PLCXD3: variants seen among roughly 807,000 people sequenced by gnomAD.
The protein encoded by PLCXD3 is phosphatidylinositol specific phospholipase C X domain containing 3.
PLCXD3 carries 19 observed loss-of-function variants against 25.5 expected under a neutral mutation model. That is an observed-to-expected ratio of 0.75 (90% CI 0.52 to 1.09). The LOEUF (loss-of-function observed/expected upper bound fraction) is 1.09, where lower values mean the gene tolerates loss of function less well. Ranked by LOEUF, PLCXD3 falls within the 50% of genes least tolerant of loss-of-function variation. PLCXD3 has a pLI of 0.00. For synonymous variants in PLCXD3, 174 were observed against 137.6 expected (o/e 1.26, Z -1.85); for missense variants, 411 against 388.1 (o/e 1.06, Z -0.50).
At chr5:41,394,703 TAAAAG>T (rs1745943625) in intron 1 of PLCXD3, among the ~76,000 whole-genome samples, 1 of 151,980 alleles carries the variant, frequency 6.6e-6, no homozygotes, top group Non-Finnish European at 1.5e-5. Context: ...AGACAAAAAC[TAAAAG>T]AAGAGACAAA....
At chr5:41,457,711 C>A (rs1056034357) in intron 1 of PLCXD3, among the ~76,000 whole-genome samples, 1 of 151,868 alleles carries the variant, frequency 6.6e-6, no homozygotes, top group Non-Finnish European at 1.5e-5. Context: ...GAAACTTTCC[C>A]ATGGGACTAG....
chr5:41,455,219 C>T (rs1391050084), intron 1 of PLCXD3, among the ~76,000 whole-genome samples: 2 of 151,974 alleles, frequency 1.3e-5, no homozygotes, highest in Non-Finnish European at 1.5e-5. Context: ...TTCAGGCTTC[C>T]GGAAATATGA....
intron 2 of PLCXD3, among the ~76,000 whole-genome samples, chr5:41,331,296 C>T (rs1252384843): frequency 1.3e-5 from 2 of 151,872 alleles, no homozygotes; most frequent in East Asian, 3.9e-4. Context: ...TTCTTATACA[C>T]CAATAACAAA....
Position 41,428,374 on chromosome 5 carries a change from G to GTTTTTTTTTTTTT in PLCXD3, c.104-45841_104-45840insAAAAAAAAAAAAA, listed in dbSNP as rs373244601. Among the ~76,000 whole-genome samples, 5 of 91,600 alleles carry GTTTTTTTTTTTTT rather than the reference G, an allele frequency of 5.5e-5. 1 individual carries two copies. Among genetic ancestry groups the GTTTTTTTTTTTTT allele is most frequent in the Admixed American group, 1.1e-4 (1 of 8,938 alleles). 60.1% of individuals were successfully genotyped at this position (91,600 alleles called of 152,430 possible). A position where few individuals can be genotyped will look rare whatever the true frequency, so the allele number is the denominator to read the frequency against. Reference sequence around the variant, plus strand: ...TAAAGAGGTGATTAAGTTAAAATGAGTTTTTTTGTTTTTGTTTTTGTTTTT... The same window carrying GTTTTTTTTTTTTT: ...TAAAGAGGTGATTAAGTTAAAATGAGTTTTTTTTTTTTTTTTTTTTGTTTTTGTTTTTGTTTTT... On this transcript the variant is annotated intron_variant, in intron 1 of 2. Transcript: ENST00000377801.
intron 2 of PLCXD3, among the ~76,000 whole-genome samples, chr5:41,376,806 A>C (rs1745310816): frequency 6.6e-6 from 1 of 152,122 alleles, no homozygotes; most frequent in African/African-American, 2.4e-5. Context: ...AACAATGGCA[A>C]ATACCAATTT....
At chr5:41,367,959 G>T (rs1744984808) in intron 2 of PLCXD3, among the ~76,000 whole-genome samples, 1 of 152,090 alleles carries the variant, frequency 6.6e-6, no homozygotes, top group Middle Eastern at 3.2e-3. Context: ...TAGGTGTGCA[G>T]TCTTATTTCT....
In PLCXD3 at chr5:41,343,359, ATC is replaced by A. The variant is rs557177430; in HGVS notation, c.813-29591_813-29590del. On this transcript the variant is annotated intron_variant, in intron 2 of 2. Coordinates refer to ENST00000377801, the MANE Select transcript of PLCXD3 (RefSeq NM_001005473.3). ...GAAAACTAGTTGTTTTGCTTCAAAA[ATC>A]TCTTTTACATAAACAGAAAAAAAAT... Among the ~76,000 whole-genome samples the A allele has an allele frequency of 7.6e-4, 115 of 152,256 alleles. No individual in the cohort carries two copies. In the Middle Eastern group the frequency reaches 0.014, roughly 18 times the overall value.
rs959759473 is a variant in PLCXD3, at chr5:41,309,504, G to A, written c.*4113C>T. 30 of 152,374 alleles carry A rather than the reference G, an allele frequency of 2.0e-4. No individual in the cohort carries two copies. Among genetic ancestry groups the A allele is most frequent in the African/African-American group, 6.5e-4 (27 of 41,444 alleles). The allele number at this position is 152,374 out of a possible 1,614,324, so 9.4% of individuals were successfully genotyped here. ...AATTCAAAGTGAGCACTCTGCCTAC[G>A]GAACTCCTGTTTGGTTGAGTGACCA... On this transcript the variant is annotated 3_prime_UTR_variant, in exon 3 of 3. Coordinates refer to ENST00000377801, the MANE Select transcript of PLCXD3 (RefSeq NM_001005473.3).
intron 1 of PLCXD3, among the ~76,000 whole-genome samples, chr5:41,463,643 T>C (rs1340564190): frequency 6.6e-6 from 1 of 152,022 alleles, no homozygotes; most frequent in African/African-American, 2.4e-5. Context: ...CTTAGGGATC[T>C]TCCCAGACCT....
intron 2 of PLCXD3, among the ~76,000 whole-genome samples, chr5:41,377,078 A>G (rs1484316394): frequency 6.6e-6 from 1 of 152,110 alleles, no homozygotes; most frequent in Non-Finnish European, 1.5e-5. Context: ...AGGCATTTAA[A>G]TGTTTGCTTT....
chr5:41,320,428 C>G (rs1485062364), intron 2 of PLCXD3, among the ~76,000 whole-genome samples: 2 of 152,184 alleles, frequency 1.3e-5, no homozygotes, highest in Non-Finnish European at 2.9e-5. Context: ...TTCATCATGA[C>G]CAATTGGGAT....
At chr5:41,336,685 C>T (rs1223273437) in intron 2 of PLCXD3, among the ~76,000 whole-genome samples, 2 of 152,064 alleles carry the variant, frequency 1.3e-5, no homozygotes, top group Admixed American at 6.6e-5. Flanking sequence ...CCACCTCACT[C>T]AATGCCACAC....
chr5:41,340,937 G>A (rs1383498530), intron 2 of PLCXD3, among the ~76,000 whole-genome samples: 1 of 152,014 alleles, frequency 6.6e-6, no homozygotes, highest in Admixed American at 6.6e-5. Flanking sequence ...TACATTTTAG[G>A]AGATGAAAAA....
chr5:41,391,503 G>A (rs1239854648), intron 1 of PLCXD3, among the ~76,000 whole-genome samples: 4 of 152,218 alleles, frequency 2.6e-5, no homozygotes, highest in East Asian at 3.9e-4. Context: ...TAGTTCTGCC[G>A]GCATTCATCA....
At chr5:41,319,954 T>C (rs1743415061) in intron 2 of PLCXD3, among the ~76,000 whole-genome samples, 1 of 152,032 alleles carries the variant, frequency 6.6e-6, no homozygotes, top group Non-Finnish European at 1.5e-5. Context: ...AATTCAAAAG[T>C]TCATTAGTGG....
Position 41,408,553 on chromosome 5 carries a change from A to C in PLCXD3, c.104-26019T>G, listed in dbSNP as rs895149908. On this transcript the variant is annotated intron_variant, in intron 1 of 2. Transcript: ENST00000377801. ...TCCTGTCACATATAAAAAAATCTGA[A>C]CTAAACTTTTTTTTAAAACAAAAAG... is the stretch of plus-strand genomic sequence containing the variant. Among the ~76,000 whole-genome samples, 60 of 152,216 alleles carry C rather than the reference A, an allele frequency of 3.9e-4. 1 individual carries two copies. The highest frequency in any genetic ancestry group is 4.4e-5 in the Non-Finnish European group (3 of 68,042).
intron 1 of PLCXD3, among the ~76,000 whole-genome samples, chr5:41,490,993 C>T (rs1329097154): frequency 1.3e-5 from 2 of 151,942 alleles, no homozygotes; most frequent in Non-Finnish European, 2.9e-5. Context: ...AATGTGTTTG[C>T]TCTTGCTTTT....
intron 1 of PLCXD3, among the ~76,000 whole-genome samples, chr5:41,471,001 A>G (rs1174372278): frequency 6.6e-6 from 1 of 152,202 alleles, no homozygotes; most frequent in East Asian, 1.9e-4. Context: ...AGACCTCAGT[A>G]TAGAACTTGG....
At chr5:41,468,009 CTTTTTTTTTTTTTTTTTT>C (rs145732089) in intron 1 of PLCXD3, among the ~76,000 whole-genome samples, 7 of 52,404 alleles carry the variant, frequency 1.3e-4, no homozygotes, top group Admixed American at 1.2e-3. Flanking sequence ...CAGCTTTATT[CTTTTTTTTTTTTTTTTTT>C]TTTTTTTTTT....
Sources: allele counts gnomAD v4.1 joint callset (sites outside exome capture counted in the v4.1 genomes callset), GRCh38; gene constraint gnomAD v4.1.1; transcripts MANE v1.5; gene names NCBI Gene and HGNC (gene_info 2026-07-23, HGNC 2026-07-21).